Variants in RDH12 observed in about 807,000 individuals in gnomAD.
The protein encoded by RDH12 is all-trans and 9-cis retinol dehydrogenase.
RDH12 carries 21 observed loss-of-function variants against 34.0 expected under a neutral mutation model. That is an observed-to-expected ratio of 0.62 (90% CI 0.44 to 0.89). The LOEUF (loss-of-function observed/expected upper bound fraction) is 0.89. RDH12 is among the 40% of genes least tolerant of loss of function. RDH12 has a pLI of 0.00. For synonymous variants in RDH12, 198 were observed against 169.9 expected, an observed-to-expected ratio of 1.17 and a Z score of -1.29; for missense variants, 394 against 398.6, an observed-to-expected ratio of 0.99 and a Z score of 0.10.
chr14:67,732,148 A>C (rs1485497345), intron 8 of RDH12, among the ~76,000 whole-genome samples: 3 of 146,876 alleles, frequency 2.0e-5, no homozygotes, highest in African/African-American at 2.5e-5. Context: ...AAAAAAAAAA[A>C]ATTTAAGGCT....
chr14:67,727,070 A>G lies in RDH12; in HGVS notation c.538A>G (p.Ile180Val). Residue 180 changes from isoleucine (I) to valine (V), a missense_variant, in exon 7 of 9, where the codon ATT (isoleucine) becomes GTT (valine). Transcript: ENST00000551171. ...TAATGTGTCCTCGGTGGCTCACCAC[A>G]TTGGCAAGATTCCCTTCCACGACCT... is the stretch of plus-strand genomic sequence containing the variant. The part of the protein sequence containing the change: ...VVNVSSVAHH[I>V]GKIPFHDLQS... 6.2e-7 allele frequency: 1 copy of G among 1,614,062 alleles called. No individual in the cohort carries two copies. The highest frequency in any genetic ancestry group is 8.5e-7 in the Non-Finnish European group (1 of 1,180,026).
At position 67,733,732 on chromosome 14, in the gene RDH12, TC is replaced by T. The variant is rs2038315394; in HGVS notation, c.849-13del. ...TCTCATTCCTGGAATTTACTGTCTTTCTCTGCCCTCCAGTGACTGCAAGAGG... is the reference window on the plus strand; with the variant it reads ...TCTCATTCCTGGAATTTACTGTCTTTTCTGCCCTCCAGTGACTGCAAGAGG... On this transcript the variant is annotated splice_polypyrimidine_tract_variant and intron_variant, in intron 8 of 8. Transcript: ENST00000551171. 6.3e-6 allele frequency: 10 copies of T among 1,582,040 alleles called. No individual in the cohort carries two copies. Among genetic ancestry groups the T allele is most frequent in the Non-Finnish European group, 6.9e-6 (8 of 1,151,314 alleles).
chr14:67,702,034 C>G (rs1350258885), intron 1 of RDH12, 99 bp downstream of exon 1: 1 of 152,120 alleles, frequency 6.6e-6, no homozygotes, highest in East Asian at 1.9e-4. Flanking sequence ...TTAGGCTTGT[C>G]TTGAACTCCT....
Position 67,734,300 on chromosome 14 carries a change from C to T in RDH12, c.*452C>T. ...ATTTGCCACCACCCTGGAGTCTAGA[C>T]CAACACACAAAGATCCTGGCTAACC... On this transcript the variant is annotated 3_prime_UTR_variant, in exon 9 of 9. Transcript: ENST00000551171. 5.7e-6 allele frequency: 1 copy of T among 176,902 alleles called. No individual in the cohort carries two copies. Among genetic ancestry groups the T allele is most frequent in the Admixed American group, 5.4e-5 (1 of 18,438 alleles). The allele number at this position is 176,902 out of a possible 1,614,324, so 11.0% of individuals were successfully genotyped here.
intron 7 of RDH12, chr14:67,727,519 G>A (rs1841462501): frequency 3.1e-6 from 1 of 320,966 alleles, no homozygotes; most frequent in Non-Finnish European, 5.8e-6. Flanking sequence ...TTTCGCTCTT[G>A]TCGCCCAGGC....
intron 8 of RDH12, among the ~76,000 whole-genome samples, chr14:67,732,681 A>T (rs1415155125): frequency 6.6e-6 from 1 of 152,012 alleles, no homozygotes; most frequent in African/African-American, 2.4e-5. Flanking sequence ...GGTTCAAGCC[A>T]TTCTCCTGCA....
intron 8 of RDH12, among the ~76,000 whole-genome samples, chr14:67,730,338 T>C (rs2038253075): frequency 6.6e-6 from 1 of 152,222 alleles, no homozygotes. Context: ...ACTTGAAATA[T>C]GGCTAGTCCA....
At chr14:67,703,974 G>T (rs1316089170) in intron 1 of RDH12, among the ~76,000 whole-genome samples, 2 of 152,128 alleles carry the variant, frequency 1.3e-5, no homozygotes, top group Non-Finnish European at 2.9e-5. Flanking sequence ...CACTGTGCTT[G>T]GCCTGGCATG....
intron 1 of RDH12, among the ~76,000 whole-genome samples, chr14:67,716,610 G>A (rs536309686): frequency 6.6e-5 from 10 of 152,302 alleles, no homozygotes; most frequent in African/African-American, 2.4e-4. Flanking sequence ...CAGGCTGAGT[G>A]TGGTGGCTCA....
intron 1 of RDH12, among the ~76,000 whole-genome samples, chr14:67,706,476 CA>C (rs2140107110): frequency 6.6e-6 from 1 of 152,290 alleles, no homozygotes; most frequent in South Asian, 2.1e-4. Flanking sequence ...CACGGGACAT[CA>C]ATCAACATAT....
chr14:67,714,912 A>G lies in RDH12; in HGVS notation c.-274-5936A>G, dbSNP rs191582008. 5.7e-3 allele frequency: 870 copies of G among 152,490 alleles called. 1 individual carries two copies. The highest frequency in any genetic ancestry group is 9.4e-3 in the Non-Finnish European group (641 of 68,126). 9.4% of individuals were successfully genotyped at this position (152,490 alleles called of 1,614,324 possible). On this transcript the variant is annotated intron_variant, in intron 1 of 8. Coordinates refer to ENST00000551171, the MANE Select transcript of RDH12 (RefSeq NM_152443.3). Reference sequence around the variant, plus strand: ...TCAAGGCATTCACTGAATGCCCCACACATGTTACCACGGCAAAACTGGAAG... The same window carrying G: ...TCAAGGCATTCACTGAATGCCCCACGCATGTTACCACGGCAAAACTGGAAG...
intron 3 of RDH12, among the ~76,000 whole-genome samples, chr14:67,723,693 A>C (rs1675339119): frequency 1.3e-5 from 2 of 152,240 alleles, no homozygotes; most frequent in Non-Finnish European, 2.9e-5. Flanking sequence ...TGTGGAAATA[A>C]TACTGGAGAA....
At position 67,722,548 on chromosome 14, in the gene RDH12, A is replaced by C. The variant is rs1193449232; in HGVS notation, c.-95A>C. 1 of 1,002,962 alleles carries C rather than the reference A, an allele frequency of 1.0e-6. No individual in the cohort carries two copies. The highest frequency in any genetic ancestry group is 1.6e-6 in the Non-Finnish European group (1 of 622,642). The allele number at this position is 1,002,962 out of a possible 1,614,324, so 62.1% of individuals were successfully genotyped here. On this transcript the variant is annotated 5_prime_UTR_variant, in exon 3 of 9. Coordinates refer to ENST00000551171, the MANE Select transcript of RDH12 (RefSeq NM_152443.3). Reference sequence around the variant, plus strand: ...AGAGGAGCAGAGAAGCAGCAGAAGCAGCCAAGAGCTGGAGCCAGACCAGGA... The same window carrying C: ...AGAGGAGCAGAGAAGCAGCAGAAGCCGCCAAGAGCTGGAGCCAGACCAGGA...
intron 8 of RDH12, among the ~76,000 whole-genome samples, chr14:67,730,286 C>T (rs930231791): frequency 2.0e-4 from 31 of 152,082 alleles, no homozygotes; most frequent in African/African-American, 7.0e-4. Context: ...TAGAGCTGTG[C>T]CATTCAGTAT....
chr14:67,731,022 TA>T (rs2038264452), intron 8 of RDH12, among the ~76,000 whole-genome samples: 1 of 152,182 alleles, frequency 6.6e-6, no homozygotes, highest in South Asian at 2.1e-4. Flanking sequence ...GATTGCATGC[TA>T]AAATGATTTT....
At chr14:67,702,313 C>T (rs140396495) in intron 1 of RDH12, among the ~76,000 whole-genome samples, 101 of 152,028 alleles carry the variant, frequency 6.6e-4, no homozygotes, top group African/African-American at 2.4e-3. Context: ...ATTTTTATAG[C>T]CTGTGAATGT....
At chr14:67,727,424 CTT>C in intron 7 of RDH12, 1 of 496,686 alleles carries the variant, frequency 2.0e-6, no homozygotes, top group Non-Finnish European at 3.7e-6. Flanking sequence ...CATCTTATCT[CTT>C]ATCTCATTTG....
chr14:67,720,112 T>C lies in RDH12; in HGVS notation c.-274-736T>C, dbSNP rs146284458. Among the ~76,000 whole-genome samples, 824 of 152,336 alleles carry C rather than the reference T, an allele frequency of 5.4e-3. 20 individuals are homozygous for C. Among genetic ancestry groups the C allele is most frequent in the Admixed American group, 0.04 (606 of 15,304 alleles). Reference sequence around the variant, plus strand: ...GGATCATACTACAATCTTTTTGACCTTTGGCAATCTGATAAGTGAAAAGTG... The same window carrying C: ...GGATCATACTACAATCTTTTTGACCCTTGGCAATCTGATAAGTGAAAAGTG... On this transcript the variant is annotated intron_variant, in intron 1 of 8. Transcript: ENST00000551171.
intron 1 of RDH12, among the ~76,000 whole-genome samples, chr14:67,711,184 G>A (rs7160527): frequency 0.29 from 43,617 of 152,032 alleles, 7,573 homozygotes; most frequent in African/African-American, 0.48. Flanking sequence ...TAAATTTAAG[G>A]TTTAGCTATT....
Sources: allele counts gnomAD v4.1 joint callset (sites outside exome capture counted in the v4.1 genomes callset), GRCh38; gene constraint gnomAD v4.1.1; transcripts MANE v1.5; gene names NCBI Gene and HGNC (gene_info 2026-07-23, HGNC 2026-07-21).